DPP6: variants seen among roughly 807,000 people sequenced by gnomAD.
DPP6 encodes the protein dipeptidyl peptidase like 6.
A neutral mutation model predicts 122.6 loss-of-function variants in DPP6; 69 were observed. That is an observed-to-expected ratio of 0.56 (90% CI 0.46 to 0.69). DPP6 has a LOEUF of 0.69. DPP6 is among the 30% of genes least tolerant of loss of function. DPP6 has a pLI of 0.00. For missense variants in DPP6, 928 were observed against 1,116.9 expected (o/e 0.83, Z 2.41); for synonymous variants, 418 against 433.1 (o/e 0.97, Z 0.43).
At chr7:154,305,124 C>A in intron 1 of DPP6, 2 of 536,402 alleles carry the variant, frequency 3.7e-6, no homozygotes, top group Non-Finnish European at 4.8e-6. Flanking sequence ...CCGTGGGCGC[C>A]GGGCCGGGAG....
chr7:153,972,756 CTTTTTT>C (rs146471299), intron 1 of DPP6, among the ~76,000 whole-genome samples: 231 of 145,344 alleles, frequency 1.6e-3, no homozygotes, highest in African/African-American at 5.6e-3. Flanking sequence ...TAAATTGCAA[CTTTTTT>C]TTTTTTTGGA....
chr7:154,862,463 G>A (rs1442577414), intron 17 of DPP6, among the ~76,000 whole-genome samples: 1 of 152,242 alleles, frequency 6.6e-6, no homozygotes, highest in Non-Finnish European at 1.5e-5. Flanking sequence ...TTAGACTTCA[G>A]TCCAGCATTT....
chr7:154,282,400 T>C lies in DPP6; in HGVS notation c.244-163814T>C, dbSNP rs577747205. 9.9e-5 allele frequency among the ~76,000 whole-genome samples: 15 copies of C among 152,190 alleles called. No homozygotes were observed. Among genetic ancestry groups the C allele is most frequent in the Non-Finnish European group, 1.8e-4 (12 of 68,022 alleles). On this transcript the variant is annotated intron_variant, in intron 1 of 25. Coordinates refer to ENST00000377770, the MANE Select transcript of DPP6 (RefSeq NM_130797.4). The surrounding 1 kb of genome is among the most constrained non-coding windows in gnomAD (Gnocchi z 4.8). ...ACTGTTAACTGAGCAGAGGCAGCCG[T>C]ACCTGGGGTGCTGATTAGCACTGTG...
chr7:154,697,172 C>T lies in DPP6; in HGVS notation c.762+27731C>T, dbSNP rs112655528. ...ACAGTATTGATGGGAAAGTCAGCCT[C>T]AGGCATCATGTGCATCATTCAAGGT... On this transcript the variant is annotated intron_variant, in intron 7 of 25. Transcript: ENST00000377770. 6.2e-3 allele frequency among the ~76,000 whole-genome samples: 940 copies of T among 152,340 alleles called. 4 individuals are homozygous for T. The highest frequency in any genetic ancestry group is 9.7e-3 in the Non-Finnish European group (657 of 68,032).
chr7:154,016,624 T>C (rs1215762049), intron 1 of DPP6, among the ~76,000 whole-genome samples: 2 of 152,182 alleles, frequency 1.3e-5, no homozygotes, highest in African/African-American at 2.4e-5. Flanking sequence ...AAAAATTAGC[T>C]GGGTGTGCAG....
At chr7:153,935,690 C>T (rs978840788) in intron 1 of DPP6, among the ~76,000 whole-genome samples, 15 of 152,214 alleles carry the variant, frequency 9.9e-5, no homozygotes, top group African/African-American at 3.4e-4. Context: ...GGCTCCGTTG[C>T]AGAGGCACAG....
intron 1 of DPP6, among the ~76,000 whole-genome samples, chr7:153,986,765 T>G (rs961913436): frequency 2.6e-5 from 4 of 152,060 alleles, no homozygotes; most frequent in African/African-American, 7.3e-5. Flanking sequence ...CAGCAAGAAA[T>G]ACTGTTGACT....
chr7:154,372,977 G>A (rs182922993), intron 1 of DPP6, among the ~76,000 whole-genome samples: 16 of 152,282 alleles, frequency 1.1e-4, no homozygotes, highest in East Asian at 7.7e-4. Context: ...TGGAGTTCGC[G>A]TCTCTTCCCC....
At chr7:153,915,726 C>T (rs1429857513) in intron 1 of DPP6, among the ~76,000 whole-genome samples, 1 of 152,170 alleles carries the variant, frequency 6.6e-6, no homozygotes, top group Non-Finnish European at 1.5e-5. Context: ...GCTCCTGTGA[C>T]TTGCTTATCC....
chr7:154,407,278 A>G (rs569639729), intron 1 of DPP6, among the ~76,000 whole-genome samples: 5 of 152,332 alleles, frequency 3.3e-5, no homozygotes, highest in African/African-American at 9.6e-5. Flanking sequence ...TGAACCATGT[A>G]TAACTCTTCT....
At chr7:154,499,071 C>T (rs1824996400) in intron 3 of DPP6, among the ~76,000 whole-genome samples, 1 of 152,140 alleles carries the variant, frequency 6.6e-6, no homozygotes, top group African/African-American at 2.4e-5. Flanking sequence ...GGCCACGTGA[C>T]TAACCCTTTG....
intron 9 of DPP6, among the ~76,000 whole-genome samples, chr7:154,769,941 T>G (rs1169506110): frequency 6.6e-6 from 1 of 152,166 alleles, no homozygotes; most frequent in Non-Finnish European, 1.5e-5. Context: ...CATCTGCCCC[T>G]GGTCCCCTGG....
At chr7:154,675,733 C>T (rs571358609) in intron 7 of DPP6, among the ~76,000 whole-genome samples, 2 of 152,154 alleles carry the variant, frequency 1.3e-5, no homozygotes, top group Admixed American at 1.3e-4. Flanking sequence ...CACATTCACT[C>T]GCTCTCCCCA....
intron 3 of DPP6, among the ~76,000 whole-genome samples, chr7:154,485,655 A>G (rs188510394): frequency 6.6e-6 from 1 of 152,344 alleles, no homozygotes; most frequent in Admixed American, 6.5e-5. Flanking sequence ...GACCTACGGG[A>G]AGAACTCAAA....
At chr7:153,753,089 A>C in the DPP6 span, among the ~76,000 whole-genome samples, 1 of 151,890 alleles carries the variant, frequency 6.6e-6, no homozygotes, top group Non-Finnish European at 1.5e-5. Context: ...TCTTCGCTCT[A>C]TCTGATGTTG....
upstream of DPP6, among the ~76,000 whole-genome samples, chr7:153,886,529 C>A (rs76323116): frequency 2.0e-5 from 3 of 152,136 alleles, no homozygotes; most frequent in African/African-American, 7.2e-5. Flanking sequence ...ACAAAGCCGC[C>A]GAGGGACGCG....
chr7:153,787,837 C>T, the DPP6 span, among the ~76,000 whole-genome samples: 1 of 139,424 alleles, frequency 7.2e-6, no homozygotes, highest in African/African-American at 2.6e-5. Flanking sequence ...TTTACAATTT[C>T]TTTTTTTTTT....
At chr7:153,923,994 A>G (rs1386829726) in intron 1 of DPP6, among the ~76,000 whole-genome samples, 1 of 152,254 alleles carries the variant, frequency 6.6e-6, no homozygotes, top group South Asian at 2.1e-4. Context: ...ACTGCTTTTC[A>G]AATCCATGAA....
intron 6 of DPP6, among the ~76,000 whole-genome samples, chr7:154,639,977 A>C (rs762582248): frequency 6.6e-6 from 1 of 152,068 alleles, no homozygotes; most frequent in African/African-American, 2.4e-5. Flanking sequence ...TAGTAAAAAA[A>C]CTCGTGGCTC....
Sources: allele counts gnomAD v4.1 joint callset (sites outside exome capture counted in the v4.1 genomes callset), GRCh38; gene constraint gnomAD v4.1.1; non-coding constraint Gnocchi (gnomAD v3.1); transcripts MANE v1.5; gene names NCBI Gene and HGNC (gene_info 2026-07-23, HGNC 2026-07-21).